The following RBM10 variants were observed in gnomAD, a reference collection of about 807,000 sequenced individuals.
RBM10 encodes RNA binding motif protein 10, also known as RNA-binding protein 10.
In RBM10, 1 loss-of-function variant was observed where a neutral mutation model predicts 84.9. The observed-to-expected ratio is 0.01, with a 90% CI of 0.00 to 0.06. The LOEUF (loss-of-function observed/expected upper bound fraction) is 0.06. Among genes scored for constraint, RBM10 ranks in the 10% least tolerant of loss-of-function variants. RBM10 has a pLI of 1.00. For missense variants in RBM10, 438 were observed against 839.0 expected, an observed-to-expected ratio of 0.52 and a Z score of 5.90; for synonymous variants, 326 against 344.5, an observed-to-expected ratio of 0.95 and a Z score of 0.60.
At chrX:47,184,977 G>A (rs2147208364) in intron 17 of RBM10, 78 bp from the exon 18 acceptor site, 1 of 1,095,823 alleles carries the variant, frequency 9.1e-7, no homozygotes, top group South Asian at 2.0e-5. Flanking sequence ...AGGATGCAGG[G>A]CAGTGGGTCA....
intron 2 of RBM10, among the ~76,000 whole-genome samples, chrX:47,166,779 CTTT>C (rs782819269): frequency 4.4e-5 from 4 of 91,035 alleles, no homozygotes; most frequent in Admixed American, 1.2e-4. Flanking sequence ...GCAAAATTTT[CTTT>C]TTTTTTTTTT....
At chrX:47,161,536 TGAGAGAGAGA>T (rs376441587) in intron 2 of RBM10, among the ~76,000 whole-genome samples, 1 of 62,171 alleles carries the variant, frequency 1.6e-5, no homozygotes, top group East Asian at 5.0e-4. Flanking sequence ...TTTTTTTTAG[TGAGAGAGAGA>T]GAGAGAGAGA....
intron 2 of RBM10, among the ~76,000 whole-genome samples, chrX:47,153,950 C>T (rs1932901591): frequency 9.0e-6 from 1 of 110,787 alleles, no homozygotes; most frequent in Non-Finnish European, 1.9e-5. Flanking sequence ...TCTAACTACT[C>T]AGGAGGCTGA....
rs145167447 is a variant in RBM10 at position 47,151,992 on chromosome X, G to A, written c.17+4494G>A. Among the ~76,000 whole-genome samples the A allele has an allele frequency of 9.2e-3, 1,025 of 111,344 alleles. 14 individuals carry two copies. Among genetic ancestry groups the A allele is most frequent in the African/African-American group, 0.032 (991 of 30,613 alleles). The stretch of plus-strand genomic sequence containing the variant: ...CTTGGGAGGCCAAGGTGGTTGGATC[G>A]CTTGAGGCCAGGAGTTCAAGACCAG... On this transcript the variant is annotated intron_variant, in intron 2 of 23. Coordinates refer to ENST00000377604, the MANE Select transcript of RBM10 (RefSeq NM_005676.5).
chrX:47,147,019 G>C (rs1031113019), intron 1 of RBM10, among the ~76,000 whole-genome samples: 2 of 111,487 alleles, frequency 1.8e-5, no homozygotes, highest in Non-Finnish European at 3.8e-5. Context: ...CCCACCCTGG[G>C]ATGCAGCCCC....
chrX:47,149,084 GTTGTT>G (rs10564556), intron 2 of RBM10, among the ~76,000 whole-genome samples: 9,130 of 111,274 alleles, frequency 0.082, 922 homozygotes, highest in African/African-American at 0.28. Context: ...AATATGAAGT[GTTGTT>G]TTGAGTGACT....
At chrX:47,176,704 C>T in intron 7 of RBM10, 118 bp downstream of exon 7, 1 of 1,114,630 alleles carries the variant, frequency 9.0e-7, no homozygotes, top group Non-Finnish European at 1.2e-6. Flanking sequence ...CCAATCTCTC[C>T]TCTCCCTCTG....
intron 3 of RBM10, among the ~76,000 whole-genome samples, chrX:47,169,984 G>A (rs1379101397): frequency 8.9e-6 from 1 of 112,890 alleles, no homozygotes; most frequent in Non-Finnish European, 1.9e-5. Flanking sequence ...AGAAGCCAGT[G>A]CCATGTTGGG....
At position 47,181,982 on chromosome X, in the gene RBM10, T is replaced by C. The variant is rs782551902; in HGVS notation, c.1725T>C (p.Asp575=). 6 of 1,209,118 alleles carry C rather than the reference T, an allele frequency of 5.0e-6. No individual in the cohort carries two copies. The highest frequency in any genetic ancestry group is 6.7e-6 in the Non-Finnish European group (6 of 895,019). The change falls in exon 16 of 24, where the codon GAT becomes GAC. Residue 575 remains aspartate, a synonymous_variant. Transcript: ENST00000377604. ...CCGACGTCTCTACCTACCAGTACGATGAGACCTCCGGCTACTACTATGACC... is the reference window on the plus strand; with the variant it reads ...CCGACGTCTCTACCTACCAGTACGACGAGACCTCCGGCTACTACTATGACC... ...PVPDVSTYQY[D]ETSGYYYDPQ... is the part of the protein sequence containing the mutation.
intron 17 of RBM10, among the ~76,000 whole-genome samples, chrX:47,184,593 C>T (rs952204129): frequency 1.8e-5 from 2 of 111,062 alleles, no homozygotes; most frequent in African/African-American, 6.6e-5. Flanking sequence ...CTACTGTGTC[C>T]CTCACCTTCT....
rs937065309 is a variant in RBM10, at chrX:47,186,621, C to T, written c.*22C>T. 6 of 1,210,864 alleles carry T rather than the reference C, an allele frequency of 5.0e-6. No homozygotes were observed. The highest frequency in any genetic ancestry group is 5.6e-6 in the Non-Finnish European group (5 of 895,007). ...GTGAGCAGCTTCAAGAGCAACTTCTCCACATGTTGGGTGTCCATCCTGGGG... is the reference window on the plus strand; with the variant it reads ...GTGAGCAGCTTCAAGAGCAACTTCTTCACATGTTGGGTGTCCATCCTGGGG... On this transcript the variant is annotated 3_prime_UTR_variant, in exon 24 of 24. Transcript: ENST00000377604.
chrX:47,170,741 T>C (rs1556772308), intron 3 of RBM10, among the ~76,000 whole-genome samples: 3 of 112,237 alleles, frequency 2.7e-5, no homozygotes, highest in Non-Finnish European at 5.6e-5. Flanking sequence ...CAAGGAGGTT[T>C]AAGCTGTGTC....
In RBM10 at chrX:47,180,332, T is replaced by C. The variant is rs1556778460; in HGVS notation, c.1160+23T>C. Reference sequence around the variant, plus strand: ...GAGGTCAGGGCCCCACCTGTGTGCCTTCCCACCCTTCCCCTCCCCACCCTC... The same window carrying C: ...GAGGTCAGGGCCCCACCTGTGTGCCCTCCCACCCTTCCCCTCCCCACCCTC... On this transcript the variant is annotated intron_variant, in intron 11 of 23. Transcript: ENST00000377604. 7 of 1,133,996 alleles carry C rather than the reference T, an allele frequency of 6.2e-6. No homozygotes were observed. The Middle Eastern group carries it at 7.9e-4, about 129-fold the overall frequency. The allele number at this position is 1,133,996 out of a possible 1,213,427, so 93.5% of individuals were successfully genotyped here.
At chrX:47,165,313 C>T (rs782140461) in intron 2 of RBM10, among the ~76,000 whole-genome samples, 13 of 106,664 alleles carry the variant, frequency 1.2e-4, no homozygotes, top group East Asian at 1.2e-3. Flanking sequence ...GTAGGGAGTT[C>T]GAGAGCAGCC....
chrX:47,151,244 T>A (rs1049588491), intron 2 of RBM10, among the ~76,000 whole-genome samples: 10 of 111,000 alleles, frequency 9.0e-5, no homozygotes, highest in Non-Finnish European at 1.7e-4. Context: ...TTGTCCAGGC[T>A]GATCTTGAAC....
At chrX:47,149,018 A>G in intron 2 of RBM10, among the ~76,000 whole-genome samples, 1 of 110,565 alleles carries the variant, frequency 9.0e-6, no homozygotes, top group Middle Eastern at 4.3e-3. Context: ...AGATACATGT[A>G]TCATATAAAT....
intron 2 of RBM10, among the ~76,000 whole-genome samples, chrX:47,160,641 G>A (rs782158904): frequency 5.4e-5 from 6 of 111,303 alleles, no homozygotes; most frequent in Admixed American, 2.9e-4. Context: ...CTTATATACT[G>A]TTGGTGGGAA....
intron 2 of RBM10, among the ~76,000 whole-genome samples, chrX:47,158,940 C>A (rs1165018926): frequency 3.6e-5 from 4 of 112,602 alleles, no homozygotes; most frequent in African/African-American, 1.3e-4. Context: ...TTTCTGTTTT[C>A]GTGGCAGGTG....
At chrX:47,152,817 G>A (rs1179547036) in intron 2 of RBM10, among the ~76,000 whole-genome samples, 2 of 87,155 alleles carry the variant, frequency 2.3e-5, no homozygotes, top group East Asian at 3.6e-4. Flanking sequence ...ACACACACAC[G>A]TTTTTTTTAA....
Sources: allele counts gnomAD v4.1 joint callset (sites outside exome capture counted in the v4.1 genomes callset), GRCh38; gene constraint gnomAD v4.1.1; transcripts MANE v1.5; gene names NCBI Gene and HGNC (gene_info 2026-07-23, HGNC 2026-07-21).